The following TRPV1 variants were observed in gnomAD, a reference collection of about 807,000 sequenced individuals.
TRPV1 encodes the protein transient receptor potential cation channel subfamily V member 1.
A neutral mutation model predicts 82.3 loss-of-function variants in TRPV1; 82 were observed. The observed-to-expected ratio is 1.00, with a 90% confidence interval of 0.83 to 1.20. The LOEUF (loss-of-function observed/expected upper bound fraction) is 1.20, where lower values mean the gene tolerates loss of function less well. TRPV1 is among the 50% of genes most tolerant of loss of function. TRPV1 has a pLI of 0.00. For synonymous variants in TRPV1, 515 were observed against 467.7 expected, an observed-to-expected ratio of 1.10 and a Z score of -1.30; for missense variants, 1,067 against 1,096.8, an observed-to-expected ratio of 0.97 and a Z score of 0.38.
intron 2 of TRPV1, among the ~76,000 whole-genome samples, chr17:3,607,996 C>T (rs989558919): frequency 6.6e-6 from 1 of 152,002 alleles, no homozygotes; most frequent in East Asian, 1.9e-4. Context: ...AAGTGGATCA[C>T]CTGAGGTCAG....
chr17:3,592,442 C>T, intron 2 of TRPV1, 59 bp from the exon 3 acceptor site: 2 of 1,434,066 alleles, frequency 1.4e-6, no homozygotes, highest in East Asian at 5.0e-5. Flanking sequence ...GTCCTTAGAC[C>T]CCACCTGCCC....
chr17:3,575,390 G>A (rs978616417), intron 13 of TRPV1, among the ~76,000 whole-genome samples: 2 of 152,038 alleles, frequency 1.3e-5, no homozygotes, highest in African/African-American at 2.4e-5. Flanking sequence ...GGCTGAGGCA[G>A]GAGAATTGCT....
intron 2 of TRPV1, chr17:3,595,734 G>GGTC (rs1567674231): frequency 6.6e-6 from 1 of 152,192 alleles, no homozygotes; most frequent in African/African-American, 2.4e-5. Flanking sequence ...TTCCTCTGAC[G>GGTC]GGTCCCAGTC....
intron 9 of TRPV1, among the ~76,000 whole-genome samples, chr17:3,584,403 A>C (rs2075057643): frequency 2.8e-5 from 1 of 35,264 alleles, no homozygotes; most frequent in South Asian, 1.0e-3. Context: ...ACTCTGTCTC[A>C]AAAAAAAAAA....
intron 13 of TRPV1, among the ~76,000 whole-genome samples, chr17:3,575,274 G>A (rs746413180): frequency 4.6e-5 from 7 of 152,162 alleles, no homozygotes; most frequent in Non-Finnish European, 8.8e-5. Flanking sequence ...CCTGAGGTCA[G>A]GAGTTTGAGA....
At chr17:3,568,312 ACTCCGTCTC>A in intron 16 of TRPV1, among the ~76,000 whole-genome samples, 1 of 144,442 alleles carries the variant, frequency 6.9e-6, no homozygotes. Flanking sequence ...ACAGAGCCAG[ACTCCGTCTC>A]AAAAAAAAAA....
intron 2 of TRPV1, among the ~76,000 whole-genome samples, chr17:3,597,354 C>T (rs572992246): frequency 3.6e-4 from 55 of 152,282 alleles, no homozygotes; most frequent in Non-Finnish European, 6.9e-4. Context: ...GTCTGGGAAA[C>T]GGCTCCACAA....
intron 2 of TRPV1, among the ~76,000 whole-genome samples, chr17:3,600,580 C>T (rs954620354): frequency 1.3e-5 from 2 of 151,160 alleles, no homozygotes. Context: ...CAGAGCGAGA[C>T]TCCATTTAAA....
intron 2 of TRPV1, among the ~76,000 whole-genome samples, chr17:3,596,230 C>T (rs1276049160): frequency 6.6e-6 from 1 of 152,260 alleles, no homozygotes; most frequent in East Asian, 1.9e-4. Context: ...GGAAGGATCC[C>T]TTCTCTCCCC....
intron 7 of TRPV1, 113 bp downstream of exon 7, chr17:3,589,694 T>A: frequency 7.8e-7 from 1 of 1,277,774 alleles, no homozygotes; most frequent in Non-Finnish European, 1.1e-6. Flanking sequence ...TATGACAGAA[T>A]CAGAGTCCCG....
chr17:3,575,415 C>A (rs879754537), intron 13 of TRPV1, among the ~76,000 whole-genome samples: 11 of 151,400 alleles, frequency 7.3e-5, no homozygotes, highest in Admixed American at 1.3e-4. Context: ...CCTGGGAGGC[C>A]GAGGTTGCAG....
intron 2 of TRPV1, chr17:3,602,155 G>A (rs531035827): frequency 9.9e-4 from 151 of 152,304 alleles, no homozygotes; most frequent in African/African-American, 3.3e-3. Context: ...CACACCTGCC[G>A]AAGGACAGTG....
chr17:3,580,630 T>A (rs980489350), intron 10 of TRPV1, 103 bp from the exon 11 acceptor site: 5 of 1,204,098 alleles, frequency 4.2e-6, no homozygotes, highest in Non-Finnish European at 6.2e-6. Flanking sequence ...GGTGGTCGAA[T>A]GTGTGAAAGC....
At chr17:3,592,538 G>A (rs748019950) in intron 2 of TRPV1, 155 bp from the exon 3 acceptor site, 15 of 751,766 alleles carry the variant, frequency 2.0e-5, no homozygotes, top group Non-Finnish European at 2.5e-5. Context: ...AGTGTTTCCA[G>A]GACTGAACCT....
intron 2 of TRPV1, among the ~76,000 whole-genome samples, chr17:3,600,894 C>T (rs907357752): frequency 1.3e-5 from 2 of 152,158 alleles, no homozygotes; most frequent in Non-Finnish European, 1.5e-5. Context: ...TGGAGACCTT[C>T]GCCTGGCCCC....
intron 15 of TRPV1, 142 bp downstream of exon 15, chr17:3,571,980 C>T (rs1437138254): frequency 4.5e-5 from 50 of 1,103,292 alleles, no homozygotes; most frequent in Middle Eastern, 5.9e-4. Context: ...GAGCTCAGGA[C>T]GGCCCCAATC....
At position 3,585,945 on chromosome 17, in the gene TRPV1, A is replaced by C. The variant is rs779382470; in HGVS notation, c.1225-19T>G. ...GGCGATTCTAGGGGGTGGGGAGAGA[A>C]GTGAGGTTCCCTCCTGCAGCAGGAA... is the stretch of plus-strand genomic sequence containing the variant. On this transcript the variant is annotated intron_variant, in intron 8 of 16. Coordinates refer to ENST00000572705, the MANE Select transcript of TRPV1 (RefSeq NM_080704.4). 5.6e-6 allele frequency: 9 copies of C among 1,613,012 alleles called. No homozygotes were observed. The South Asian group carries it at 9.9e-5, about 18-fold the overall frequency.
intron 10 of TRPV1, among the ~76,000 whole-genome samples, chr17:3,582,838 T>G (rs1357233479): frequency 6.6e-6 from 1 of 151,166 alleles, no homozygotes; most frequent in Non-Finnish European, 1.5e-5. Flanking sequence ...CAGGCGCCTG[T>G]AATCCCAGCT....
chr17:3,594,590 G>A (rs918725329), intron 2 of TRPV1, among the ~76,000 whole-genome samples: 22 of 152,312 alleles, frequency 1.4e-4, no homozygotes, highest in Admixed American at 1.2e-3. Flanking sequence ...ACTTTCAACA[G>A]GCCTGAGTCT....
Sources: allele counts gnomAD v4.1 joint callset (sites outside exome capture counted in the v4.1 genomes callset), GRCh38; gene constraint gnomAD v4.1.1; transcripts MANE v1.5; gene names NCBI Gene and HGNC (gene_info 2026-07-23, HGNC 2026-07-21).